The following EDA variants were observed in gnomAD, a reference collection of about 807,000 sequenced individuals.
EDA encodes the protein ectodysplasin A.
Under a neutral mutation model 23.6 loss-of-function variants are expected in EDA, and 2 were observed. The ratio of observed to expected loss-of-function variants is 0.08; its 90% CI spans 0.03 to 0.27. The LOEUF is 0.27. EDA is among the 10% of genes least tolerant of loss of function. The pLI, the probability that EDA is intolerant of heterozygous loss-of-function variation, is 1.00. For missense variants in EDA, 229 were observed against 324.2 expected, an observed-to-expected ratio of 0.71 and a Z score of 2.26; for synonymous variants, 131 against 132.0, an observed-to-expected ratio of 0.99 and a Z score of 0.05.
chrX:69,637,682 C>T (rs1932792851), intron 1 of EDA, among the ~76,000 whole-genome samples: 1 of 110,888 alleles, frequency 9.0e-6, no homozygotes, highest in South Asian at 3.9e-4. Context: ...TCCATTTCTT[C>T]GTCTATAATA....
At chrX:69,727,574 A>C (rs1265770792) in intron 1 of EDA, among the ~76,000 whole-genome samples, 1 of 111,761 alleles carries the variant, frequency 8.9e-6, no homozygotes, top group Non-Finnish European at 1.9e-5. Flanking sequence ...TGACCTAATC[A>C]CCTTCCAAAG....
chrX:69,689,468 T>C (rs1248570274), intron 1 of EDA, among the ~76,000 whole-genome samples: 1 of 109,186 alleles, frequency 9.2e-6, no homozygotes, highest in East Asian at 2.9e-4. Flanking sequence ...CCCGAGTAGC[T>C]GGGATTACAG....
chrX:69,670,483 T>C (rs1428049467), intron 1 of EDA, among the ~76,000 whole-genome samples: 2 of 111,188 alleles, frequency 1.8e-5, no homozygotes, highest in African/African-American at 3.3e-5. Flanking sequence ...TTTCATTAAA[T>C]AATATTTCTG....
rs149545356 is a variant in EDA at position 69,902,726 on chromosome X, G to A, written c.397-54301G>A. Among the ~76,000 whole-genome samples, 49 of 111,881 alleles carry A rather than the reference G, an allele frequency of 4.4e-4. 1 individual carries two copies. The East Asian group carries it at 9.6e-3, about 22-fold the overall frequency. On this transcript the variant is annotated intron_variant, in intron 1 of 7. Coordinates refer to ENST00000374552, the MANE Select transcript of EDA (RefSeq NM_001399.5). ...TATTTTTATTTTACTCTGAAGGAAT[G>A]TCAATATTAGCCATCATTTTGCCCA...
In EDA at chrX:69,788,991, G is replaced by T. The variant is rs1043092652; in HGVS notation, c.397-168036G>T. 1.9e-4 allele frequency among the ~76,000 whole-genome samples: 21 copies of T among 112,579 alleles called. 1 individual carries two copies. The highest frequency in any genetic ancestry group is 6.8e-4 in the African/African-American group (21 of 31,062). On this transcript the variant is annotated intron_variant, in intron 1 of 7. Coordinates refer to ENST00000374552, the MANE Select transcript of EDA (RefSeq NM_001399.5). ...CGAGCCAGGTGCGGGATATAATCTC[G>T]TGGTGCCCCGTTTTTTTAGCCTGTC...
intron 2 of EDA, among the ~76,000 whole-genome samples, chrX:69,988,603 C>T: frequency 8.9e-6 from 1 of 111,924 alleles, no homozygotes; most frequent in African/African-American, 3.2e-5. Flanking sequence ...TGCCTGTAAT[C>T]CCAGCACTTT....
intron 2 of EDA, among the ~76,000 whole-genome samples, chrX:70,020,464 C>G (rs1036232349): frequency 9.1e-6 from 1 of 109,574 alleles, no homozygotes; most frequent in African/African-American, 3.3e-5. Flanking sequence ...GAGGCTGAGA[C>G]AGGAGAATGG....
chrX:70,011,186 A>G (rs2019870216), intron 2 of EDA, among the ~76,000 whole-genome samples: 1 of 111,610 alleles, frequency 9.0e-6, no homozygotes, highest in Non-Finnish European at 1.9e-5. Context: ...ACAGTTTGAT[A>G]CATACATTTG....
Position 69,695,532 on chromosome X carries a change from C to T in EDA, c.396+78828C>T, listed in dbSNP as rs1175628166. ...TCTTTCTTTTTTTTTTTTTTTTTGA[C>T]GGAGTCTAGCACTATTGCCTGGGCT... On this transcript the variant is annotated intron_variant, in intron 1 of 7. Transcript: ENST00000374552. Among the ~76,000 whole-genome samples the T allele has an allele frequency of 1.7e-4, 9 of 53,138 alleles. No homozygotes were observed. The East Asian group carries it at 2.8e-3, about 17-fold the overall frequency. 46.1% of individuals were successfully genotyped at this position (53,138 alleles called of 115,157 possible). A position where few individuals can be genotyped will look rare whatever the true frequency, so the allele number is the denominator to read the frequency against.
In EDA at chrX:70,035,827, G is replaced by C. The variant is rs960085123; in HGVS notation, c.*218G>C. ...ACAGGACAGTTGATGGAGCCCCAGG[G>C]TTTACATGAAGCAGAACCTTCTTTG... is the stretch of plus-strand genomic sequence containing the variant. On this transcript the variant is annotated 3_prime_UTR_variant, in exon 8 of 8. Transcript: ENST00000374552. 3.1e-5 allele frequency: 14 copies of C among 445,568 alleles called. No homozygotes were observed. The African/African-American group carries it at 3.5e-4, about 11-fold the overall frequency. The allele number at this position is 445,568 out of a possible 1,213,427, so 36.7% of individuals were successfully genotyped here. A position where few individuals can be genotyped will look rare whatever the true frequency, so the allele number is the denominator to read the frequency against.
intron 1 of EDA, among the ~76,000 whole-genome samples, chrX:69,816,038 C>T (rs1191554380): frequency 3.6e-5 from 4 of 111,443 alleles, no homozygotes; most frequent in African/African-American, 1.3e-4. Flanking sequence ...CTGGTGATAA[C>T]TCCAGGCATG....
intron 1 of EDA, among the ~76,000 whole-genome samples, chrX:69,624,040 A>G (rs1329075608): frequency 9.0e-6 from 1 of 111,481 alleles, no homozygotes; most frequent in Non-Finnish European, 1.9e-5. Flanking sequence ...CTTATACCAA[A>G]ATAAATTCCA....
At chrX:69,788,506 TAACA>T (rs1041612313) in intron 1 of EDA, among the ~76,000 whole-genome samples, 1 of 112,024 alleles carries the variant, frequency 8.9e-6, no homozygotes, top group African/African-American at 3.2e-5. Context: ...GTTTTCCTTC[TAACA>T]GACAGGACCC....
chrX:69,835,891 G>T (rs2016759930), intron 1 of EDA, among the ~76,000 whole-genome samples: 1 of 111,517 alleles, frequency 9.0e-6, no homozygotes, highest in African/African-American at 3.3e-5. Flanking sequence ...CTACAGATGG[G>T]GTTTTGGTGT....
intron 1 of EDA, among the ~76,000 whole-genome samples, chrX:69,674,389 T>C (rs1934010119): frequency 1.8e-5 from 2 of 112,037 alleles, no homozygotes; most frequent in South Asian, 7.4e-4. Context: ...CTATTTAACA[T>C]AAGTATTTCC....
intron 2 of EDA, among the ~76,000 whole-genome samples, chrX:69,987,204 G>A (rs1414765837): frequency 6.1e-5 from 6 of 98,103 alleles, no homozygotes; most frequent in East Asian, 3.5e-4. Context: ...CAGCGCACCA[G>A]CATGGCACAT....
intron 1 of EDA, among the ~76,000 whole-genome samples, chrX:69,728,584 A>G (rs2012900051): frequency 8.9e-6 from 1 of 112,362 alleles, no homozygotes; most frequent in Non-Finnish European, 1.9e-5. Context: ...TTCAACTGGA[A>G]AAGTTGGCAG....
intron 1 of EDA, among the ~76,000 whole-genome samples, chrX:69,852,408 C>G (rs1157474527): frequency 9.0e-6 from 1 of 111,675 alleles, no homozygotes; most frequent in East Asian, 2.8e-4. Context: ...TTTAAAATAC[C>G]CTTTTAAGTA....
At chrX:69,782,153 T>C (rs766259044) in intron 1 of EDA, among the ~76,000 whole-genome samples, 2 of 109,039 alleles carry the variant, frequency 1.8e-5, no homozygotes, top group South Asian at 8.1e-4. Flanking sequence ...AAATACAAAC[T>C]GGGGTGGCTA....
Sources: allele counts gnomAD v4.1 joint callset (sites outside exome capture counted in the v4.1 genomes callset), GRCh38; gene constraint gnomAD v4.1.1; transcripts MANE v1.5; gene names NCBI Gene and HGNC (gene_info 2026-07-23, HGNC 2026-07-21).